ADGRL4: variants seen among roughly 807,000 people sequenced by gnomAD.
ADGRL4 encodes EGF, latrophilin and seven transmembrane domain containing 1.
A neutral mutation model predicts 74.8 loss-of-function variants in ADGRL4; 90 were observed. The observed-to-expected ratio is 1.20, with a 90% CI of 1.02 to 1.43. The LOEUF (loss-of-function observed/expected upper bound fraction) is 1.43, where lower values mean the gene tolerates loss of function less well. ADGRL4 is among the 40% of genes most tolerant of loss of function. ADGRL4 has a pLI of 0.00. For synonymous variants in ADGRL4, 311 were observed against 279.2 expected, an observed-to-expected ratio of 1.11 and a Z score of -1.14; for missense variants, 881 against 814.3, an observed-to-expected ratio of 1.08 and a Z score of -1.00.
In ADGRL4 at chr1:78,980,179, G is replaced by T. The variant is rs138575654; in HGVS notation, c.172+24891C>A. Among the ~76,000 whole-genome samples the T allele has an allele frequency of 2.9e-3, 432 of 147,130 alleles. 3 individuals are homozygous for T. The highest frequency in any genetic ancestry group is 0.011 in the African/African-American group (416 of 37,188). On this transcript the variant is annotated intron_variant, in intron 2 of 14. Transcript: ENST00000370742. Reference sequence around the variant, plus strand: ...ACTCATGCGTGTGCACACACACACAGACACATACACACACACACCCACACA... The same window carrying T: ...ACTCATGCGTGTGCACACACACACATACACATACACACACACACCCACACA...
At position 78,914,972 on chromosome 1, in the gene ADGRL4, A is replaced by G. The variant is rs141845623; in HGVS notation, c.1749+2662T>C. On this transcript the variant is annotated intron_variant, in intron 12 of 14. Transcript: ENST00000370742. ...GATGGTATGCATAATTTACTTGGTGATCACAGTATTTCATTTCCATCTTGG... is the reference window on the plus strand; with the variant it reads ...GATGGTATGCATAATTTACTTGGTGGTCACAGTATTTCATTTCCATCTTGG... 9.9e-4 allele frequency among the ~76,000 whole-genome samples: 150 copies of G among 152,028 alleles called. 1 individual carries two copies. Among genetic ancestry groups the G allele is most frequent in the African/African-American group, 3.4e-3 (143 of 41,532 alleles).
At chr1:78,981,805 A>G (rs1650402115) in intron 2 of ADGRL4, among the ~76,000 whole-genome samples, 1 of 151,864 alleles carries the variant, frequency 6.6e-6, no homozygotes, top group African/African-American at 2.4e-5. Context: ...ATTAATTAAT[A>G]AAACAAAGAT....
In ADGRL4 at chr1:78,917,894, TTAGA is replaced by T; in HGVS notation, c.1614_1617del (p.Tyr538Ter). ...GAAAATCCAACTACCACGGCTGGGC[TTAGA>T]TAGCCAAAGATATAAAAATTCTTGT... is the stretch of plus-strand genomic sequence containing the variant. On this transcript the variant is annotated frameshift_variant, in exon 11 of 15. Transcript: ENST00000370742. LOFTEE classifies it high-confidence loss of function. 1.9e-6 allele frequency: 3 copies of T among 1,612,740 alleles called. No individual in the cohort carries two copies. Among genetic ancestry groups the T allele is most frequent in the Non-Finnish European group, 2.5e-6 (3 of 1,179,148 alleles).
intron 12 of ADGRL4, among the ~76,000 whole-genome samples, chr1:78,907,421 C>G (rs1312579461): frequency 6.6e-6 from 1 of 151,904 alleles, no homozygotes; most frequent in East Asian, 1.9e-4. Flanking sequence ...ACATGCTAAC[C>G]CCTAAAGATA....
At chr1:79,005,356 G>A (rs934492655) in intron 1 of ADGRL4, 137 bp from the exon 2 acceptor site, 10 of 673,834 alleles carry the variant, frequency 1.5e-5, no homozygotes, top group Non-Finnish European at 2.2e-5. Flanking sequence ...TCCCAAGAGA[G>A]CACTTAGCTA....
chr1:78,930,102 T>G (rs892107012), intron 7 of ADGRL4, among the ~76,000 whole-genome samples: 1 of 151,446 alleles, frequency 6.6e-6, no homozygotes, highest in African/African-American at 2.5e-5. Context: ...CAAGAAAGAA[T>G]AGAGGATACG....
rs555727183 is a variant in ADGRL4 at position 78,897,074 on chromosome 1, C to A, written c.1750-3885G>T. 5.3e-5 allele frequency among the ~76,000 whole-genome samples: 8 copies of A among 152,246 alleles called. No individual in the cohort carries two copies. In the South Asian group the frequency reaches 1.5e-3, roughly 28 times the overall value. ...CTGAAACTCAAATGATAAAATCAGA[C>A]CTAAGTTCAATTTTATGGAAATGTA... On this transcript the variant is annotated intron_variant, in intron 12 of 14. Transcript: ENST00000370742.
chr1:78,930,407 G>A (rs1266137851), intron 7 of ADGRL4, among the ~76,000 whole-genome samples: 1 of 148,634 alleles, frequency 6.7e-6, no homozygotes, highest in Non-Finnish European at 1.5e-5. Flanking sequence ...AATTGAAATA[G>A]TAACTACTTA....
At position 78,946,780 on chromosome 1, in the gene ADGRL4, A is replaced by T. The variant is rs1381598752; in HGVS notation, c.173-354T>A. On this transcript the variant is annotated intron_variant, in intron 2 of 14. Coordinates refer to ENST00000370742, the MANE Select transcript of ADGRL4 (RefSeq NM_022159.4). ...ATGGTACTCTTCATAATCCATCAAA[A>T]GCACAACATAAATTAAAAATGAAAA... is the stretch of plus-strand genomic sequence containing the variant. Among the ~76,000 whole-genome samples, 21 of 152,344 alleles carry T rather than the reference A, an allele frequency of 1.4e-4. 1 individual carries two copies. Among genetic ancestry groups the T allele is most frequent in the Admixed American group, 1.1e-3 (17 of 15,290 alleles).
At chr1:78,898,448 A>G (rs1269685595) in intron 12 of ADGRL4, among the ~76,000 whole-genome samples, 4 of 152,082 alleles carry the variant, frequency 2.6e-5, no homozygotes, top group Non-Finnish European at 2.9e-5. Context: ...GTTAGTGCCA[A>G]AAAAGCACCA....
chr1:78,912,952 C>T (rs1200046543), intron 12 of ADGRL4, among the ~76,000 whole-genome samples: 1 of 151,784 alleles, frequency 6.6e-6, no homozygotes, highest in Admixed American at 6.6e-5. Context: ...AAAAAACAAA[C>T]AACCCCATTA....
At chr1:78,917,745 T>A (rs751514265) in intron 11 of ADGRL4, 45 bp from the exon 12 acceptor site, 57 of 1,569,876 alleles carry the variant, frequency 3.6e-5, no homozygotes, top group Non-Finnish European at 4.8e-5. Flanking sequence ...TGTTTGCATG[T>A]ATGTTAACAT....
rs1650965449 is a variant in ADGRL4, at chr1:79,006,520, G to T, written c.22+113C>A. The T allele has an allele frequency of 3.2e-6, 4 of 1,232,870 alleles. No homozygotes were observed. In the South Asian group the frequency reaches 5.7e-5, roughly 18 times the overall value. The allele number at this position is 1,232,870 out of a possible 1,614,324, so 76.4% of individuals were successfully genotyped here. On this transcript the variant is annotated intron_variant, in intron 1 of 14. Transcript: ENST00000370742. Reference sequence around the variant, plus strand: ...AGAAGTACTAAATCAATTCTCCTCGGAGATTTTGCCAAATACACTTGCCAT... The same window carrying T: ...AGAAGTACTAAATCAATTCTCCTCGTAGATTTTGCCAAATACACTTGCCAT...
chr1:78,964,670 T>C, intron 2 of ADGRL4, among the ~76,000 whole-genome samples: 1 of 152,142 alleles, frequency 6.6e-6, no homozygotes, highest in East Asian at 1.9e-4. Flanking sequence ...TGTCATAGGG[T>C]AATTGCAAAT....
chr1:78,913,306 T>TACCA (rs1648801267), intron 12 of ADGRL4, among the ~76,000 whole-genome samples: 1 of 151,922 alleles, frequency 6.6e-6, no homozygotes, highest in African/African-American at 2.4e-5. Flanking sequence ...CAAAAGAATA[T>TACCA]AAATTGTTCT....
At chr1:78,899,110 C>T (rs562619680) in intron 12 of ADGRL4, among the ~76,000 whole-genome samples, 1 of 152,256 alleles carries the variant, frequency 6.6e-6, no homozygotes, top group South Asian at 2.1e-4. Context: ...TCTTACAGCA[C>T]TTTTAGACCC....
intron 2 of ADGRL4, among the ~76,000 whole-genome samples, chr1:78,978,936 T>C (rs1419844355): frequency 2.0e-5 from 3 of 151,964 alleles, no homozygotes; most frequent in African/African-American, 7.2e-5. Context: ...CACATTTTAA[T>C]ATTTTTGGAC....
chr1:78,983,730 T>A (rs556631111), intron 2 of ADGRL4, among the ~76,000 whole-genome samples: 2 of 151,822 alleles, frequency 1.3e-5, no homozygotes, highest in Admixed American at 6.6e-5. Context: ...AATACAACTT[T>A]AGGCAAGATT....
intron 2 of ADGRL4, among the ~76,000 whole-genome samples, chr1:78,978,065 C>CTT (rs1298796804): frequency 2.1e-4 from 32 of 151,906 alleles, no homozygotes; most frequent in Admixed American, 2.1e-3. Flanking sequence ...CTATCACCTC[C>CTT]TTTACCTTGG....
Sources: allele counts gnomAD v4.1 joint callset (sites outside exome capture counted in the v4.1 genomes callset), GRCh38; gene constraint gnomAD v4.1.1; transcripts MANE v1.5; gene names NCBI Gene and HGNC (gene_info 2026-07-23, HGNC 2026-07-21).